PLCD1: variants seen among roughly 807,000 people sequenced by gnomAD.
PLCD1 encodes the protein phospholipase C delta 1, also known as 1-phosphatidylinositol 4,5-bisphosphate phosphodiesterase delta-1.
In PLCD1, 71 loss-of-function variants were observed where a neutral mutation model predicts 87.4. The ratio of observed to expected loss-of-function variants is 0.81; its 90% CI spans 0.67 to 0.99. The LOEUF is 0.99. Among genes scored for constraint, PLCD1 ranks in the 50% least tolerant of loss-of-function variants. PLCD1 has a pLI of 0.00. For synonymous variants in PLCD1, 348 were observed against 399.2 expected (o/e 0.87, Z 1.53); for missense variants, 867 against 1,001.5 (o/e 0.87, Z 1.81).
At chr3:38,014,308 T>C (rs1700124117) in intron 3 of PLCD1, among the ~76,000 whole-genome samples, 1 of 151,642 alleles carries the variant, frequency 6.6e-6, no homozygotes, top group African/African-American at 2.4e-5. Context: ...AGAACTCACA[T>C]TTCCTTATTT....
chr3:38,013,252 A>G (rs571982507), intron 3 of PLCD1, among the ~76,000 whole-genome samples: 2 of 132,496 alleles, frequency 1.5e-5, no homozygotes, highest in Non-Finnish European at 3.1e-5. Flanking sequence ...TAGCTCTGTC[A>G]CCCAGGCTGG....
intron 3 of PLCD1, among the ~76,000 whole-genome samples, chr3:38,013,373 C>T (rs1014713602): frequency 4.8e-4 from 73 of 151,822 alleles, no homozygotes; most frequent in African/African-American, 1.5e-3. Context: ...CCACCACGCC[C>T]GGCTAATTTT....
intron 3 of PLCD1, among the ~76,000 whole-genome samples, chr3:38,013,424 A>G (rs1700112525): frequency 1.3e-5 from 2 of 151,830 alleles, no homozygotes; most frequent in Admixed American, 6.6e-5. Context: ...CGTGTTAGCC[A>G]GGATGGTCTC....
At chr3:38,019,348 C>A (rs1700200579) in intron 2 of PLCD1, among the ~76,000 whole-genome samples, 1 of 152,214 alleles carries the variant, frequency 6.6e-6, no homozygotes, top group Non-Finnish European at 1.5e-5. Flanking sequence ...TCGGCAGTCA[C>A]ACTAGCCACA....
chr3:38,008,169 G>T lies in PLCD1; in HGVS notation c.2036-6C>A. Reference sequence around the variant, plus strand: ...GTCCCACCATGGGTTGAAACCTAGGGGGACAGGCACCATATCAGCAGCATG... The same window carrying T: ...GTCCCACCATGGGTTGAAACCTAGGTGGACAGGCACCATATCAGCAGCATG... On this transcript the variant is annotated splice_region_variant and splice_polypyrimidine_tract_variant and intron_variant, in intron 13 of 14. Transcript: ENST00000334661. The T allele has an allele frequency of 6.2e-7, 1 of 1,613,622 alleles. No individual in the cohort carries two copies. The highest frequency in any genetic ancestry group is 8.5e-7 in the Non-Finnish European group (1 of 1,180,024).
intron 1 of PLCD1, among the ~76,000 whole-genome samples, chr3:38,023,022 T>G (rs56397504): frequency 1.4e-3 from 220 of 152,264 alleles, no homozygotes; most frequent in African/African-American, 5.1e-3. Flanking sequence ...GACTTTGAGC[T>G]GACCCTGGGT....
chr3:38,014,916 G>A (rs914107085), intron 3 of PLCD1, among the ~76,000 whole-genome samples: 12 of 152,162 alleles, frequency 7.9e-5, no homozygotes, highest in African/African-American at 1.2e-4. Context: ...ATCACAATGA[G>A]ATACCACTTC....
Position 38,008,622 on chromosome 3 carries a change from G to A in PLCD1, c.1738C>T (p.Gln580Ter), listed in dbSNP as rs917921060. 4.5e-5 allele frequency: 73 copies of A among 1,613,984 alleles called. No homozygotes were observed. Among genetic ancestry groups the A allele is most frequent in the Non-Finnish European group, 5.9e-5 (70 of 1,179,974 alleles). The change falls in exon 12 of 15, where the codon CAG (glutamine) becomes TAG (stop). Residue 580 changes from glutamine to a stop codon, truncating the protein, a stop_gained. Coordinates refer to ENST00000334661, the MANE Select transcript of PLCD1 (RefSeq NM_006225.4). LOFTEE classifies it high-confidence loss of function. ...GGCQIVALNF[Q>*]TPGPEMDVYQ... ...ACGTCCATCTCTGGCCCAGGTGTCT[G>A]GAAATTCAGGGCCACTACAGGCAGG... is the stretch of plus-strand genomic sequence containing the variant.
chr3:38,013,273 C>T lies in PLCD1; in HGVS notation c.429-1600G>A, dbSNP rs139604982. Among the ~76,000 whole-genome samples, 193 of 147,646 alleles carry T rather than the reference C, an allele frequency of 1.3e-3. 2 individuals carry two copies. In the East Asian group the frequency reaches 0.035, roughly 27 times the overall value. On this transcript the variant is annotated intron_variant, in intron 3 of 14. Transcript: ENST00000334661. ...TGTCACCCAGGCTGGAGTGCAGTGG[C>T]GCAATCTTGGCTCACTGCAAGCTCC... is the stretch of plus-strand genomic sequence containing the variant.
rs1699997036 is a variant in PLCD1, at chr3:38,008,176, G to A, written c.2036-13C>T. The stretch of plus-strand genomic sequence containing the variant: ...CATGGGTTGAAACCTAGGGGGACAG[G>A]CACCATATCAGCAGCATGGACACCA... On this transcript the variant is annotated splice_polypyrimidine_tract_variant and intron_variant, in intron 13 of 14. Transcript: ENST00000334661. 6.8e-6 allele frequency: 11 copies of A among 1,613,564 alleles called. No individual in the cohort carries two copies. Among genetic ancestry groups the A allele is most frequent in the Non-Finnish European group, 8.5e-6 (10 of 1,180,034 alleles).
intron 1 of PLCD1, chr3:38,024,835 C>T: frequency 1.1e-6 from 1 of 888,296 alleles, no homozygotes; most frequent in South Asian, 1.7e-5. Context: ...GCTGGGCCAT[C>T]CAAGAGGGGT....
chr3:38,016,103 G>A (rs1233053825), intron 3 of PLCD1, among the ~76,000 whole-genome samples: 1 of 152,150 alleles, frequency 6.6e-6, no homozygotes, highest in Non-Finnish European at 1.5e-5. Flanking sequence ...CCAACGTGAT[G>A]ATATTTGGAG....
rs748342604 is a variant in PLCD1, at chr3:38,009,894, C to T, written c.1287+10G>A. On this transcript the variant is annotated intron_variant, in intron 8 of 14. Transcript: ENST00000334661. ...CCCTCCCCCAGGGATCCCCCATCCC[C>T]ACCACACACCTCAGGGGAGGGCAGG... 4.4e-6 allele frequency: 7 copies of T among 1,599,510 alleles called. No homozygotes were observed. In the African/African-American group the frequency reaches 9.4e-5, roughly 21 times the overall value.
intron 1 of PLCD1, among the ~76,000 whole-genome samples, chr3:38,024,981 C>G (rs185675054): frequency 5.7e-4 from 87 of 152,252 alleles, no homozygotes; most frequent in Non-Finnish European, 9.9e-4. Context: ...AATCCATAAC[C>G]CAGGAAGCAA....
Position 38,009,716 on chromosome 3 carries a change from G to A in PLCD1, c.1383C>T (p.Asp461=), listed in dbSNP as rs79082624. The A allele has an allele frequency of 2.9e-3, 4,669 of 1,614,094 alleles. 118 individuals are homozygous for A. In the African/African-American group the frequency reaches 0.05, roughly 17 times the overall value. ...CCTCCATCTCAGCAGCCTCGTCTTC[G>A]TCTGACACCACAGTGGCCTCAGGGC... ...EGGPEATVVS[D]EDEAAEMEDE... The change falls in exon 9 of 15, where the codon GAC becomes GAT. Residue 461 remains aspartate (D), a synonymous_variant. Coordinates refer to ENST00000334661, the MANE Select transcript of PLCD1 (RefSeq NM_006225.4).
intron 1 of PLCD1, among the ~76,000 whole-genome samples, chr3:38,028,783 G>T (rs1700332926): frequency 6.6e-6 from 1 of 152,206 alleles, no homozygotes; most frequent in Non-Finnish European, 1.5e-5. Flanking sequence ...GGGAGCCCAG[G>T]CTCCCCTCGC....
At position 38,016,637 on chromosome 3, in the gene PLCD1, G is replaced by A. The variant is rs1163463088; in HGVS notation, c.282C>T (p.Asp94=). The A allele has an allele frequency of 6.2e-6, 10 of 1,609,300 alleles. No homozygotes were observed. The highest frequency in any genetic ancestry group is 8.5e-6 in the Non-Finnish European group (10 of 1,177,800). The part of the protein sequence containing the change: ...LEKFARDVPE[D]RCFSIVFKDQ... ...CCTTGAAGACAATGGAGAAGCAGCG[G>A]TCCTCGGGCACATCACGGGCGAACT... Residue 94 remains aspartate (D), a synonymous_variant, in exon 3 of 15, where the codon GAC becomes GAT. Transcript: ENST00000334661.
intron 11 of PLCD1, 75 bp downstream of exon 11, chr3:38,008,967 C>G: frequency 8.1e-7 from 1 of 1,240,868 alleles, no homozygotes; most frequent in Non-Finnish European, 1.2e-6. Context: ...ACTGCATGGC[C>G]TTCGAGGCTC....
chr3:38,013,507 C>A (rs2125546259), intron 3 of PLCD1, among the ~76,000 whole-genome samples: 1 of 152,196 alleles, frequency 6.6e-6, no homozygotes, highest in East Asian at 1.9e-4. Context: ...GCCACTGCGC[C>A]CCGCCCGGAT....
Sources: gnomAD v4.1 joint callset for allele counts (sites outside exome capture counted in the v4.1 genomes callset) on GRCh38, gnomAD v4.1.1 for gene constraint, MANE v1.5 for transcripts, NCBI Gene and HGNC (gene_info 2026-07-23, HGNC 2026-07-21) for gene names.